The following CTHRC1 variants were observed in gnomAD, a reference collection of about 807,000 sequenced individuals.
CTHRC1 encodes the protein collagen triple helix repeat-containing protein 1.
A neutral mutation model predicts 25.9 loss-of-function variants in CTHRC1; 21 were observed. The ratio of observed to expected loss-of-function variants is 0.81; its 90% CI spans 0.57 to 1.17. The LOEUF (loss-of-function observed/expected upper bound fraction) is 1.17. Ranked by LOEUF, CTHRC1 falls within the 50% of genes most tolerant of loss-of-function variation. The pLI, the probability that CTHRC1 is intolerant of heterozygous loss-of-function variation, is 0.00. For missense variants in CTHRC1, 281 were observed against 304.3 expected, an observed-to-expected ratio of 0.92 and a Z score of 0.57; for synonymous variants, 109 against 113.1, an observed-to-expected ratio of 0.96 and a Z score of 0.23.
At chr8:103,372,320 C>A (rs1208740913) in intron 1 of CTHRC1, 2 of 742,920 alleles carry the variant, frequency 2.7e-6, no homozygotes, top group Non-Finnish European at 4.0e-6. Flanking sequence ...CACAAAGCAT[C>A]CGTCCAACTC....
chr8:103,371,695 C>G lies in CTHRC1; in HGVS notation c.39C>G (p.Leu13=). ...PQGPAASPQR[L]RGLLLLLLLQ... ...GCCCCGCCGCCTCCCCGCAGCGGCT[C>G]CGCGGCCTCCTGCTGCTCCTGCTGC... is the stretch of plus-strand genomic sequence containing the variant. Residue 13 remains leucine (L), a synonymous_variant, in exon 1 of 4, where the codon CTC becomes CTG. Coordinates refer to ENST00000330295, the MANE Select transcript of CTHRC1 (RefSeq NM_138455.4). 2 of 1,533,744 alleles carry G rather than the reference C, an allele frequency of 1.3e-6. No homozygotes were observed. Among genetic ancestry groups the G allele is most frequent in the Non-Finnish European group, 1.8e-6 (2 of 1,141,166 alleles).
chr8:103,378,387 C>T, intron 3 of CTHRC1, 144 bp downstream of exon 3: 1 of 712,456 alleles, frequency 1.4e-6, no homozygotes, highest in Non-Finnish European at 2.5e-6. Context: ...CTGGGTTGTA[C>T]TTCTGCATTA....
intron 2 of CTHRC1, chr8:103,377,417 A>G (rs570898419): frequency 1.9e-5 from 3 of 154,434 alleles, no homozygotes; most frequent in African/African-American, 7.2e-5. Flanking sequence ...AAAAGAGGAA[A>G]TATATAAATT....
intron 2 of CTHRC1, 116 bp downstream of exon 2, chr8:103,376,075 G>A: frequency 1.3e-6 from 1 of 772,782 alleles, no homozygotes; most frequent in Non-Finnish European, 2.2e-6. Flanking sequence ...AAGAGAAGTA[G>A]GTAGCATGTG....
intron 2 of CTHRC1, 114 bp downstream of exon 2, chr8:103,376,073 T>C (rs1586552724): frequency 2.5e-6 from 2 of 793,582 alleles, no homozygotes; most frequent in East Asian, 2.7e-5. Flanking sequence ...AAAAGAGAAG[T>C]AGGTAGCATG....
intron 3 of CTHRC1, among the ~76,000 whole-genome samples, chr8:103,381,842 C>A (rs1258515408): frequency 6.6e-6 from 1 of 151,848 alleles, no homozygotes; most frequent in Non-Finnish European, 1.5e-5. Flanking sequence ...ACTAAAAATA[C>A]AAAAAATTAG....
chr8:103,375,098 A>G (rs1815781101), intron 1 of CTHRC1, among the ~76,000 whole-genome samples: 1 of 152,178 alleles, frequency 6.6e-6, no homozygotes. Flanking sequence ...ATGAGAGGCC[A>G]GAAATGTTAT....
Position 103,371,759 on chromosome 8 carries a change from A to G in CTHRC1, c.103A>G (p.Lys35Glu), listed in dbSNP as rs1304909642. The G allele has an allele frequency of 3.4e-5, 52 of 1,534,848 alleles. No homozygotes were observed. Among genetic ancestry groups the G allele is most frequent in the Non-Finnish European group, 4.4e-5 (50 of 1,140,944 alleles). ...PAPSSASEIP[K>E]GKQKAQLRQR... ...GCCGTCGAGCGCCTCTGAGATCCCC[A>G]AGGGGAAGCAAAAGGCGCAGCTCCG... Residue 35 changes from lysine to glutamate, a missense_variant, in exon 1 of 4, where the codon AAG becomes GAG. Coordinates refer to ENST00000330295, the MANE Select transcript of CTHRC1 (RefSeq NM_138455.4).
At position 103,382,633 on chromosome 8, in the gene CTHRC1, T is replaced by TA; in HGVS notation, c.*34dup. ...AATTTTCATTTGCTACCTCTTTTTT[T>TA]ATTATGCCTTGGAATGGTTCACTTA... On this transcript the variant is annotated 3_prime_UTR_variant, in exon 4 of 4. Transcript: ENST00000330295. 6.4e-7 allele frequency: 1 copy of TA among 1,563,496 alleles called. No individual in the cohort carries two copies. The highest frequency in any genetic ancestry group is 8.8e-7 in the Non-Finnish European group (1 of 1,134,230).
chr8:103,376,085 G>T, intron 2 of CTHRC1, 126 bp downstream of exon 2: 1 of 736,996 alleles, frequency 1.4e-6, no homozygotes, highest in Non-Finnish European at 2.3e-6. Flanking sequence ...GGTAGCATGT[G>T]ACTTTTAATT....
At chr8:103,376,009 T>A (rs1255417586) in intron 2 of CTHRC1, 50 bp downstream of exon 2, 1 of 1,411,282 alleles carries the variant, frequency 7.1e-7, no homozygotes, top group Non-Finnish European at 9.8e-7. Context: ...GGTTTTCATA[T>A]TTTAGTGTTA....
At position 103,382,594 on chromosome 8, in the gene CTHRC1, A is replaced by G. The variant is rs1213120200; in HGVS notation, c.726A>G (p.Pro242=). The G allele has an allele frequency of 6.2e-7, 1 of 1,612,348 alleles. No individual in the cohort carries two copies. The highest frequency in any genetic ancestry group is 8.5e-7 in the Non-Finnish European group (1 of 1,178,612). Residue 242 remains proline, a synonymous_variant, in exon 4 of 4, where the codon CCA becomes CCG. Coordinates refer to ENST00000330295, the MANE Select transcript of CTHRC1 (RefSeq NM_138455.4). ...CTCGCATCATTATTGAAGAACTACC[A>G]AAATAAATGCTTTAATTTTCATTTG... The part of the protein sequence containing the change: ...SVSRIIIEEL[P]K
chr8:103,382,847 A>G lies in CTHRC1; in HGVS notation c.*247A>G, dbSNP rs1815938264. On this transcript the variant is annotated 3_prime_UTR_variant, in exon 4 of 4. Coordinates refer to ENST00000330295, the MANE Select transcript of CTHRC1 (RefSeq NM_138455.4). ...CTTCATAGTCACATTCTCTCAACCT[A>G]TAATTTGGAATATTGTTGTGGTCTT... is the stretch of plus-strand genomic sequence containing the variant. 2 of 427,492 alleles carry G rather than the reference A, an allele frequency of 4.7e-6. No homozygotes were observed. Among genetic ancestry groups the G allele is most frequent in the Non-Finnish European group, 8.6e-6 (2 of 233,836 alleles). The allele number at this position is 427,492 out of a possible 1,614,324, so 26.5% of individuals were successfully genotyped here.
chr8:103,378,786 C>T (rs556656422), intron 3 of CTHRC1, among the ~76,000 whole-genome samples: 3 of 152,134 alleles, frequency 2.0e-5, no homozygotes, highest in East Asian at 1.9e-4. Context: ...GAGGCTGAGA[C>T]GGGCAATCAC....
intron 3 of CTHRC1, among the ~76,000 whole-genome samples, chr8:103,381,507 A>G (rs1020108641): frequency 3.3e-5 from 5 of 151,400 alleles, no homozygotes; most frequent in African/African-American, 1.2e-4. Context: ...ATGGAATGCA[A>G]CTTGTATTGT....
intron 1 of CTHRC1, chr8:103,372,707 G>A: frequency 6.6e-7 from 1 of 1,507,376 alleles, no homozygotes; most frequent in African/African-American, 1.4e-5. Flanking sequence ...AAACCCAGTG[G>A]AGGGCGGAGA....
At chr8:103,372,298 A>G in intron 1 of CTHRC1, 1 of 615,120 alleles carries the variant, frequency 1.6e-6, no homozygotes, top group Non-Finnish European at 2.5e-6. Context: ...TGCGAGAGAG[A>G]ATAACAACCC....
chr8:103,373,048 A>G (rs948902326), intron 1 of CTHRC1, among the ~76,000 whole-genome samples: 3 of 152,178 alleles, frequency 2.0e-5, no homozygotes, highest in African/African-American at 7.2e-5. Flanking sequence ...CAACAGTTCT[A>G]TTTTAAGTGT....
At chr8:103,382,357 TA>T (rs1443071645) in intron 3 of CTHRC1, 100 bp from the exon 4 acceptor site, 1 of 1,234,930 alleles carries the variant, frequency 8.1e-7, no homozygotes, top group Non-Finnish European at 1.2e-6. Context: ...AGCATTACAT[TA>T]AACAGAATTA....
Sources: gnomAD v4.1 joint callset for allele counts (sites outside exome capture counted in the v4.1 genomes callset) on GRCh38, gnomAD v4.1.1 for gene constraint, MANE v1.5 for transcripts, NCBI Gene and HGNC (gene_info 2026-07-23, HGNC 2026-07-21) for gene names.